The following RTL4 variants were observed in gnomAD, a reference collection of about 807,000 sequenced individuals.
RTL4 encodes the protein retrotransposon Gag-like protein 4.
Under a neutral mutation model 5.3 loss-of-function variants are expected in RTL4, and 4 were observed. That is an observed-to-expected ratio of 0.75 (90% CI 0.37 to 1.72). The LOEUF is 1.72. Ranked by LOEUF, RTL4 falls within the 40% of genes most tolerant of loss-of-function variation. The pLI is 0.04. For synonymous variants in RTL4, 98 were observed against 87.3 expected (o/e 1.12, Z -0.68); for missense variants, 260 against 227.1 (o/e 1.14, Z -0.93).
chrX:112,390,159 ATT>A, the RTL4 span, among the ~76,000 whole-genome samples: 35 of 52,957 alleles, frequency 6.6e-4, no homozygotes, highest in Non-Finnish European at 8.7e-4. Flanking sequence ...ATATATATAT[ATT>A]TAGGATCGTG....
At chrX:112,311,484 A>T in the RTL4 span, among the ~76,000 whole-genome samples, 2 of 110,355 alleles carry the variant, frequency 1.8e-5, no homozygotes, top group East Asian at 5.7e-4. Flanking sequence ...TGATGCAGTA[A>T]CCTCGTTTAA....
At chrX:112,341,403 T>C in the RTL4 span, among the ~76,000 whole-genome samples, 1 of 112,068 alleles carries the variant, frequency 8.9e-6, no homozygotes, top group East Asian at 2.8e-4. Flanking sequence ...TCAATGAGAC[T>C]GCACCAACAT....
At chrX:112,152,640 G>A in the RTL4 span, among the ~76,000 whole-genome samples, 7 of 112,020 alleles carry the variant, frequency 6.2e-5, no homozygotes, top group African/African-American at 9.7e-5. Flanking sequence ...TAGTAGTCCC[G>A]TTAAAGAAGT....
the RTL4 span, among the ~76,000 whole-genome samples, chrX:112,138,510 T>A: frequency 8.9e-6 from 1 of 111,750 alleles, no homozygotes; most frequent in East Asian, 2.8e-4. Context: ...AGTGTACTTA[T>A]CTAGGAACTC....
the RTL4 span, among the ~76,000 whole-genome samples, chrX:112,208,107 G>C: frequency 2.7e-5 from 3 of 111,764 alleles, no homozygotes; most frequent in Admixed American, 9.6e-5. Flanking sequence ...AAAGCCAGGG[G>C]AAATTACCCT....
At chrX:112,179,975 A>T in the RTL4 span, among the ~76,000 whole-genome samples, 3 of 111,270 alleles carry the variant, frequency 2.7e-5, no homozygotes, top group Non-Finnish European at 5.6e-5. Context: ...ACAGGTATTG[A>T]TCAGAGTCCT....
At chrX:112,263,214 AAG>A in the RTL4 span, among the ~76,000 whole-genome samples, 4 of 109,843 alleles carry the variant, frequency 3.6e-5, no homozygotes, top group Non-Finnish European at 7.6e-5. Context: ...AAAAAAAAAA[AAG>A]AAGCAGTAAA....
chrX:112,278,328 C>A, the RTL4 span, among the ~76,000 whole-genome samples: 2 of 111,842 alleles, frequency 1.8e-5, no homozygotes, highest in Non-Finnish European at 3.8e-5. Flanking sequence ...TATATGTTGG[C>A]AGTTTCTAAA....
At chrX:112,345,349 A>G in the RTL4 span, among the ~76,000 whole-genome samples, 1 of 111,318 alleles carries the variant, frequency 9.0e-6, no homozygotes, top group Non-Finnish European at 1.9e-5. Flanking sequence ...CTGTACCCTT[A>G]GTTGCCTTCA....
the RTL4 span, among the ~76,000 whole-genome samples, chrX:112,296,205 C>G: frequency 3.6e-5 from 4 of 111,008 alleles, no homozygotes; most frequent in Non-Finnish European, 7.5e-5. Context: ...TCCCAAAACT[C>G]CAGCAGAGTC....
At chrX:112,454,079 G>A (rs914727344), upstream of RTL4, among the ~76,000 whole-genome samples, 6 of 111,576 alleles carry the variant, frequency 5.4e-5, no homozygotes, top group African/African-American at 2.0e-4. Flanking sequence ...ATCACTTTGG[G>A]TTTTCAAATT....
chrX:112,372,408 G>A, the RTL4 span, among the ~76,000 whole-genome samples: 1 of 111,149 alleles, frequency 9.0e-6, no homozygotes, highest in African/African-American at 3.3e-5. Flanking sequence ...CCAGTTTTGG[G>A]CTATTACAAA....
chrX:112,128,212 G>GGACA, the RTL4 span, among the ~76,000 whole-genome samples: 5 of 111,587 alleles, frequency 4.5e-5, no homozygotes, highest in Non-Finnish European at 3.8e-5. Context: ...ACTGGCATAA[G>GGACA]GACATATCTG....
At chrX:112,185,720 ATTGT>A in the RTL4 span, among the ~76,000 whole-genome samples, 4 of 108,580 alleles carry the variant, frequency 3.7e-5, no homozygotes, top group African/African-American at 1.3e-4. Flanking sequence ...CTATTTATTA[ATTGT>A]TTGACATTGG....
chrX:112,386,259 A>T, the RTL4 span, among the ~76,000 whole-genome samples: 6 of 112,178 alleles, frequency 5.3e-5, no homozygotes, highest in East Asian at 1.1e-3. Context: ...CAATTCAATT[A>T]TACTCTTTTA....
At chrX:112,120,492 A>G in the RTL4 span, among the ~76,000 whole-genome samples, 796 of 109,663 alleles carry the variant, frequency 7.3e-3, 3 homozygotes, top group Middle Eastern at 0.014. Context: ...TAGCCAGGAT[A>G]GTCTCGATCT....
At chrX:112,296,776 A>ATT in the RTL4 span, among the ~76,000 whole-genome samples, 6 of 96,922 alleles carry the variant, frequency 6.2e-5, no homozygotes, top group African/African-American at 1.5e-4. Context: ...CGCCCAGCTA[A>ATT]TTTTTTTTTT....
chrX:112,286,286 T>C, the RTL4 span, among the ~76,000 whole-genome samples: 1 of 109,929 alleles, frequency 9.1e-6, no homozygotes, highest in African/African-American at 3.3e-5. Flanking sequence ...GACTGGGGAG[T>C]AGTAGGTGAG....
At chrX:112,100,163 A>T in the RTL4 span, among the ~76,000 whole-genome samples, 1 of 111,941 alleles carries the variant, frequency 8.9e-6, no homozygotes, top group Non-Finnish European at 1.9e-5. Context: ...AGAAAGATAA[A>T]GTATAATGAA....
Sources: allele counts gnomAD v4.1 joint callset (sites outside exome capture counted in the v4.1 genomes callset), GRCh38; gene constraint gnomAD v4.1.1; transcripts MANE v1.5; gene names NCBI Gene and HGNC (gene_info 2026-07-23, HGNC 2026-07-21).